Variants in KLF7 observed in about 807,000 individuals in gnomAD.
The protein encoded by KLF7 is KLF transcription factor 7, also known as Krueppel-like factor 7.
KLF7 carries 2 observed loss-of-function variants against 27.3 expected under a neutral mutation model. That is an observed-to-expected ratio of 0.07 (90% CI 0.03 to 0.23). The LOEUF is 0.23. Among genes scored for constraint, KLF7 ranks in the 10% least tolerant of loss-of-function variants. The pLI, the probability that KLF7 is intolerant of heterozygous loss-of-function variation, is 1.00. For synonymous variants in KLF7, 165 were observed against 162.4 expected (o/e 1.02, Z -0.12); for missense variants, 221 against 394.1 (o/e 0.56, Z 3.72).
At chr2:207,157,678 T>G (rs916568092) in intron 1 of KLF7, among the ~76,000 whole-genome samples, 1 of 152,196 alleles carries the variant, frequency 6.6e-6, no homozygotes, top group Non-Finnish European at 1.5e-5. Context: ...TGACAGGGAT[T>G]GTGGCAAGGC....
At chr2:207,092,452 A>G (rs1421196818) in intron 2 of KLF7, among the ~76,000 whole-genome samples, 1 of 152,214 alleles carries the variant, frequency 6.6e-6, no homozygotes, top group Non-Finnish European at 1.5e-5. Context: ...CAACAACCCT[A>G]GGATACTTGT....
In KLF7 at chr2:207,124,234, C is replaced by G. The variant is rs2077417696; in HGVS notation, c.273G>C (p.Lys91Asn). 1.2e-6 allele frequency: 2 copies of G among 1,614,110 alleles called. No homozygotes were observed. The highest frequency in any genetic ancestry group is 1.7e-6 in the Non-Finnish European group (2 of 1,180,020). Reference sequence around the variant, plus strand: ...AGAGCAAGATGTCCACTGCCGAGCTCTTCTCACAGATGGCCGCTTCCACGG... The same window carrying G: ...AGAGCAAGATGTCCACTGCCGAGCTGTTCTCACAGATGGCCGCTTCCACGG... ...LLPVEAAICEKSSAVDILLSR... is the reference protein window; with the variant it reads ...LLPVEAAICENSSAVDILLSR... Residue 91 changes from lysine to asparagine, a missense_variant, in exon 2 of 4, where the codon AAG becomes AAC. Physicochemically the swap from Lys to Asn is moderately conservative, Grantham distance 94. Coordinates refer to ENST00000309446, the MANE Select transcript of KLF7 (RefSeq NM_003709.4).
intron 2 of KLF7, among the ~76,000 whole-genome samples, chr2:207,096,140 C>A (rs1355048148): frequency 6.6e-6 from 1 of 152,258 alleles, no homozygotes; most frequent in Admixed American, 6.5e-5. Context: ...GAAGCACTCT[C>A]CCAGGCTCAA....
chr2:207,107,371 CTT>C (rs2076908120), intron 2 of KLF7, among the ~76,000 whole-genome samples: 2 of 152,282 alleles, frequency 1.3e-5, no homozygotes, highest in Non-Finnish European at 2.9e-5. Flanking sequence ...CCACCCCAAT[CTT>C]TTTTGTTTTA....
At position 207,157,091 on chromosome 2, in the gene KLF7, G is replaced by A. The variant is rs16839343; in HGVS notation, c.102+8376C>T. Reference sequence around the variant, plus strand: ...ATAACATGCTCCTCAAATAACTATCGAGTGCCCACAGTGTGCAAAGCTTTC... The same window carrying A: ...ATAACATGCTCCTCAAATAACTATCAAGTGCCCACAGTGTGCAAAGCTTTC... On this transcript the variant is annotated intron_variant, in intron 1 of 3. Transcript: ENST00000309446. Among the ~76,000 whole-genome samples the A allele has an allele frequency of 3.5e-3, 538 of 152,012 alleles. 2 individuals carry two copies. The highest frequency in any genetic ancestry group is 0.012 in the African/African-American group (479 of 41,468).
intron 2 of KLF7, among the ~76,000 whole-genome samples, chr2:207,123,151 T>C (rs1043120860): frequency 6.7e-6 from 1 of 148,990 alleles, no homozygotes; most frequent in Non-Finnish European, 1.5e-5. Context: ...GCCACACACA[T>C]AGCAATGTAA....
upstream of KLF7, among the ~76,000 whole-genome samples, chr2:207,168,789 G>A (rs1035067794): frequency 7.9e-5 from 12 of 152,144 alleles, no homozygotes. Flanking sequence ...TTCAATATTA[G>A]TTATATTTAG....
At chr2:207,163,442 G>T (rs1278080655) in intron 1 of KLF7, among the ~76,000 whole-genome samples, 1 of 152,192 alleles carries the variant, frequency 6.6e-6, no homozygotes, top group Non-Finnish European at 1.5e-5. Context: ...AGGAAGAGCA[G>T]AGATGGCTTC....
chr2:207,173,372 T>C, the KLF7 span, among the ~76,000 whole-genome samples: 2 of 152,330 alleles, frequency 1.3e-5, no homozygotes, highest in South Asian at 2.1e-4. Flanking sequence ...CTATTGCTAT[T>C]GTCAATGCAA....
Position 207,151,803 on chromosome 2 carries a change from GA to G in KLF7, c.102+13663del, listed in dbSNP as rs1218034152. 2.6e-3 allele frequency among the ~76,000 whole-genome samples: 390 copies of G among 149,890 alleles called. 2 individuals carry two copies. The highest frequency in any genetic ancestry group is 0.015 in the East Asian group (75 of 5,064). On this transcript the variant is annotated intron_variant, in intron 1 of 3. Coordinates refer to ENST00000309446, the MANE Select transcript of KLF7 (RefSeq NM_003709.4). ...TTTGGCACTCAAAATTTTTTAAAAA[GA>G]AAAAAAAGTAATCGGAGATTGGAAA...
At position 207,150,758 on chromosome 2, in the gene KLF7, G is replaced by A. The variant is rs140410054; in HGVS notation, c.102+14709C>T. Among the ~76,000 whole-genome samples, 30 of 152,010 alleles carry A rather than the reference G, an allele frequency of 2.0e-4. 1 individual carries two copies. In the East Asian group the frequency reaches 4.8e-3, roughly 24 times the overall value. On this transcript the variant is annotated intron_variant, in intron 1 of 3. Transcript: ENST00000309446. ...AACTTCAATTTCATTTCACCTTCAC[G>A]GATTTTTACCAAATCAGCATTCCAT...
chr2:207,157,219 TAAAA>T (rs5838052), intron 1 of KLF7, among the ~76,000 whole-genome samples: 3 of 87,284 alleles, frequency 3.4e-5, no homozygotes, highest in Non-Finnish European at 4.5e-5. Context: ...AACAGAAAAG[TAAAA>T]AAAAAAAAAA....
chr2:207,100,588 AG>A (rs1167065653), intron 2 of KLF7, among the ~76,000 whole-genome samples: 2 of 152,150 alleles, frequency 1.3e-5, no homozygotes, highest in Non-Finnish European at 2.9e-5. Context: ...ATCCCTAGAC[AG>A]CCCCCGCTCC....
chr2:207,140,495 C>A (rs1234874587), intron 1 of KLF7, among the ~76,000 whole-genome samples: 1 of 152,026 alleles, frequency 6.6e-6, no homozygotes, highest in Non-Finnish European at 1.5e-5. Context: ...GAAAAAAAAG[C>A]ATGTAAGAAA....
At chr2:207,142,749 G>A (rs957258997) in intron 1 of KLF7, among the ~76,000 whole-genome samples, 2 of 152,086 alleles carry the variant, frequency 1.3e-5, no homozygotes, top group African/African-American at 2.4e-5. Flanking sequence ...AAGCCCCACT[G>A]TGTGTCTGGA....
chr2:207,159,516 T>G (rs2284927), intron 1 of KLF7, among the ~76,000 whole-genome samples: 1 of 152,204 alleles, frequency 6.6e-6, no homozygotes, highest in African/African-American at 2.4e-5. Flanking sequence ...ACAGTCAAGC[T>G]CCTAGAGGGC....
chr2:207,165,567 A>ATGC lies in KLF7; in HGVS notation c.-2_1dup (p.Ile1_?0). ...TATACTATAACTAGCCAACACGTCC[A>ATGC]TGCTGCTGCTGCCGGGCAAAACGGG... is the stretch of plus-strand genomic sequence containing the variant. On this transcript the variant is annotated start_lost and start_retained_variant, in exon 1 of 4. Transcript: ENST00000309446. The ATGC allele has an allele frequency of 3.1e-6, 5 of 1,613,616 alleles. No individual in the cohort carries two copies. Among genetic ancestry groups the ATGC allele is most frequent in the Non-Finnish European group, 4.2e-6 (5 of 1,180,012 alleles).
At chr2:207,146,813 A>C (rs917978527) in intron 1 of KLF7, among the ~76,000 whole-genome samples, 2 of 152,132 alleles carry the variant, frequency 1.3e-5, no homozygotes, top group African/African-American at 4.8e-5. Context: ...GGAGGGCTTT[A>C]CTCTGCCCTC....
chr2:207,165,683 T>C lies in KLF7; in HGVS notation c.-115A>G. 1 of 1,514,980 alleles carries C rather than the reference T, an allele frequency of 6.6e-7. No homozygotes were observed. Among genetic ancestry groups the C allele is most frequent in the Non-Finnish European group, 8.8e-7 (1 of 1,135,050 alleles). The allele number at this position is 1,514,980 out of a possible 1,614,324, so 93.8% of individuals were successfully genotyped here. Reference sequence around the variant, plus strand: ...AAGAAGGCAGACATCCAGTGGCCCTTTTGTTTTGTTTTGTTTCAGTCAACT... The same window carrying C: ...AAGAAGGCAGACATCCAGTGGCCCTCTTGTTTTGTTTTGTTTCAGTCAACT... On this transcript the variant is annotated 5_prime_UTR_variant, in exon 1 of 4. Coordinates refer to ENST00000309446, the MANE Select transcript of KLF7 (RefSeq NM_003709.4).
Sources: allele counts gnomAD v4.1 joint callset (sites outside exome capture counted in the v4.1 genomes callset), GRCh38; gene constraint gnomAD v4.1.1; transcripts MANE v1.5; gene names NCBI Gene and HGNC (gene_info 2026-07-23, HGNC 2026-07-21).